Variants in ARAP2 observed in about 807,000 individuals in gnomAD.
ARAP2 encodes the protein ArfGAP with RhoGAP domain, ankyrin repeat and PH domain 2.
A neutral mutation model predicts 194.5 loss-of-function variants in ARAP2; 148 were observed. The ratio of observed to expected loss-of-function variants is 0.76; its 90% CI spans 0.67 to 0.87. The LOEUF (loss-of-function observed/expected upper bound fraction) is 0.87. Ranked by LOEUF, ARAP2 falls within the 40% of genes least tolerant of loss-of-function variation. The probability of loss-of-function intolerance (pLI) is 0.00; values close to 1 mark genes in which losing one functional copy is unlikely to be tolerated. For synonymous variants in ARAP2, 695 were observed against 683.5 expected (o/e 1.02, Z -0.26); for missense variants, 2,128 against 1,989.7 (o/e 1.07, Z -1.32).
At chr4:36,039,331 C>T (rs1259263231) in intron 5 of ARAP2, among the ~76,000 whole-genome samples, 1 of 152,208 alleles carries the variant, frequency 6.6e-6, no homozygotes, top group Non-Finnish European at 1.5e-5. Context: ...CCACATTCTG[C>T]ATAGCCGTTA....
Position 36,164,996 on chromosome 4 carries a change from G to C in ARAP2, c.2091C>G (p.Asn697Lys), listed in dbSNP as rs1473661044. The change falls in exon 11 of 33, where the codon AAC becomes AAG. Residue 697 changes from asparagine to lysine, a missense_variant. Transcript: ENST00000303965. ...GGGCTTTACAATCTGCACAGCTCCTGTTGGATTCATTGAACCAAATCTTCT... is the reference window on the plus strand; with the variant it reads ...GGGCTTTACAATCTGCACAGCTCCTCTTGGATTCATTGAACCAAATCTTCT... Reference protein sequence around the residue: ...VAEKIWFNESNRSCADCKAPD... With the variant: ...VAEKIWFNESKRSCADCKAPD... 24 of 1,613,996 alleles carry C rather than the reference G, an allele frequency of 1.5e-5. No individual in the cohort carries two copies. The highest frequency in any genetic ancestry group is 1.9e-5 in the Non-Finnish European group (23 of 1,179,970).
chr4:36,122,291 C>T (rs1035489552), intron 22 of ARAP2, among the ~76,000 whole-genome samples: 5 of 151,706 alleles, frequency 3.3e-5, no homozygotes, highest in African/African-American at 1.2e-4. Context: ...GAATATAAAT[C>T]ATTATATTAT....
At chr4:36,165,283 T>C (rs1374764848) in intron 10 of ARAP2, among the ~76,000 whole-genome samples, 170 bp from the exon 11 acceptor site, 1 of 152,224 alleles carries the variant, frequency 6.6e-6, no homozygotes, top group African/African-American at 2.4e-5. Context: ...ACTTCGTCTT[T>C]TTTCCTTTTA....
rs776939967 is a variant in ARAP2 at position 36,040,807 on chromosome 4, T to C, written n.607+5172A>G. ...AACAGAAATAGTTTGACTTCCTCTC[T>C]TCTTATTTGGATGCCTTTCATTTCT... On this transcript the variant is annotated intron_variant and non_coding_transcript_variant, in intron 5 of 12. Coordinates refer to the ARAP2 transcript ENST00000503225. Among the ~76,000 whole-genome samples the C allele has an allele frequency of 5.5e-4, 84 of 152,208 alleles. 1 individual carries two copies. Among genetic ancestry groups the C allele is most frequent in the Non-Finnish European group, 5.3e-4 (36 of 68,038 alleles).
chr4:36,243,312 A>T (rs1246357805), intron 1 of ARAP2, among the ~76,000 whole-genome samples: 1 of 150,250 alleles, frequency 6.7e-6, no homozygotes, highest in Non-Finnish European at 1.5e-5. Flanking sequence ...GCTTATTTTC[A>T]ATACACTTCT....
chr4:36,108,895 A>C (rs983018303), intron 26 of ARAP2, among the ~76,000 whole-genome samples: 4 of 152,148 alleles, frequency 2.6e-5, no homozygotes, highest in African/African-American at 9.6e-5. Context: ...CTAGTGTTGT[A>C]GCCATGTAAA....
At chr4:36,031,854 A>C (rs952515257) in intron 5 of ARAP2, among the ~76,000 whole-genome samples, 10 of 152,012 alleles carry the variant, frequency 6.6e-5, no homozygotes, top group African/African-American at 2.4e-4. Context: ...TTTTTAGTAG[A>C]AACGGGGTTT....
At chr4:36,014,362 GAAAGAAAGAA>G (rs1229318654) in intron 8 of ARAP2, among the ~76,000 whole-genome samples, 26 of 139,520 alleles carry the variant, frequency 1.9e-4, no homozygotes, top group Admixed American at 8.8e-4. Flanking sequence ...AAGAAAGAAA[GAAAGAAAGAA>G]AGAAAGAAAG....
intron 27 of ARAP2, among the ~76,000 whole-genome samples, chr4:36,104,902 A>C (rs1480982242): frequency 1.3e-5 from 2 of 151,972 alleles, no homozygotes; most frequent in African/African-American, 4.8e-5. Context: ...TATTTTTTTC[A>C]TGCAAAGTTC....
intron 32 of ARAP2, among the ~76,000 whole-genome samples, chr4:36,069,027 AT>A (rs5857469): frequency 0.93 from 141,550 of 151,410 alleles, 66,187 homozygotes; most frequent in South Asian, 0.95. Context: ...CAAGGTTTCT[AT>A]TTTTTTTTTC....
intron 9 of ARAP2, among the ~76,000 whole-genome samples, chr4:36,167,855 A>G (rs1483819385): frequency 6.6e-6 from 1 of 152,166 alleles, no homozygotes; most frequent in Non-Finnish European, 1.5e-5. Context: ...ATCTACCCAC[A>G]TGGATTTCAG....
At chr4:36,020,620 A>G (rs147581362) in intron 5 of ARAP2, among the ~76,000 whole-genome samples, 103 of 152,276 alleles carry the variant, frequency 6.8e-4, no homozygotes, top group African/African-American at 2.4e-3. Flanking sequence ...AAAAGTTATG[A>G]TTTGTTTATT....
At chr4:36,040,091 A>C (rs143131618) in intron 5 of ARAP2, among the ~76,000 whole-genome samples, 2 of 152,336 alleles carry the variant, frequency 1.3e-5, no homozygotes, top group African/African-American at 2.4e-5. Context: ...CCCCTGAATA[A>C]GTGAAGAATA....
rs6814780 is a variant in ARAP2, at chr4:36,156,510, G to A, written c.2752+2220C>T. Among the ~76,000 whole-genome samples, 36 of 143,982 alleles carry A rather than the reference G, an allele frequency of 2.5e-4. 1 individual carries two copies. Among genetic ancestry groups the A allele is most frequent in the African/African-American group, 4.4e-4 (17 of 38,344 alleles). The allele number at this position is 143,982 out of a possible 152,430, so 94.5% of individuals were successfully genotyped here. On this transcript the variant is annotated intron_variant, in intron 15 of 32. Transcript: ENST00000303965. ...AAGAAAAAGGAAGGAAGGAAGGAGGGAGGAAGGAAGGAAGGAAGGAAAACA... is the reference window on the plus strand; with the variant it reads ...AAGAAAAAGGAAGGAAGGAAGGAGGAAGGAAGGAAGGAAGGAAGGAAAACA...
intron 1 of ARAP2, among the ~76,000 whole-genome samples, chr4:36,058,540 T>A (rs989449942): frequency 3.3e-5 from 5 of 152,330 alleles, no homozygotes; most frequent in African/African-American, 1.2e-4. Context: ...TTCTTCAGAA[T>A]CTGGCCACCC....
intron 28 of ARAP2, among the ~76,000 whole-genome samples, chr4:36,086,323 T>C (rs1379716691): frequency 4.6e-5 from 7 of 152,198 alleles, no homozygotes; most frequent in Non-Finnish European, 8.8e-5. Flanking sequence ...AAACTTTTGG[T>C]AATAAGTAGA....
chr4:36,063,611 A>T (rs1020123169), downstream of ARAP2, among the ~76,000 whole-genome samples: 1 of 152,186 alleles, frequency 6.6e-6, no homozygotes, highest in African/African-American at 2.4e-5. Context: ...GCTACCCTAA[A>T]CATAAAAACA....
Position 36,161,420 on chromosome 4 carries a change from A to C in ARAP2, c.2259+45T>G, listed in dbSNP as rs370246628. 3 of 1,523,148 alleles carry C rather than the reference A, an allele frequency of 2.0e-6. No individual in the cohort carries two copies. The South Asian group carries it at 3.4e-5, about 17-fold the overall frequency. The allele number at this position is 1,523,148 out of a possible 1,614,324, so 94.4% of individuals were successfully genotyped here. On this transcript the variant is annotated intron_variant, in intron 12 of 32. Transcript: ENST00000303965. ...AGCAAACCTCCTCCCAGTCTCTGCA[A>C]ACTGAACCCCTATCACAACCCCATT...
chr4:36,064,686 T>G (rs1010761988), downstream of ARAP2, among the ~76,000 whole-genome samples: 3 of 152,180 alleles, frequency 2.0e-5, no homozygotes, highest in Non-Finnish European at 4.4e-5. Flanking sequence ...GGAGCTCTGG[T>G]GACCCCAGAC....
Sources: allele counts gnomAD v4.1 joint callset (sites outside exome capture counted in the v4.1 genomes callset), GRCh38; gene constraint gnomAD v4.1.1; transcripts MANE v1.5; gene names NCBI Gene and HGNC (gene_info 2026-07-23, HGNC 2026-07-21).